DPP6: variants seen among roughly 807,000 people sequenced by gnomAD.
DPP6 encodes the protein dipeptidyl peptidase like 6.
A neutral mutation model predicts 122.6 loss-of-function variants in DPP6; 69 were observed. The ratio of observed to expected loss-of-function variants is 0.56; its 90% CI spans 0.46 to 0.69. The LOEUF is 0.69. Ranked by LOEUF, DPP6 falls within the 30% of genes least tolerant of loss-of-function variation. The pLI, the probability that DPP6 is intolerant of heterozygous loss-of-function variation, is 0.00. For missense variants in DPP6, 928 were observed against 1,116.9 expected (o/e 0.83, Z 2.41); for synonymous variants, 418 against 433.1 (o/e 0.97, Z 0.43).
chr7:154,795,438 C>T (rs949412748), intron 11 of DPP6, among the ~76,000 whole-genome samples: 2 of 152,196 alleles, frequency 1.3e-5, no homozygotes, highest in African/African-American at 2.4e-5. Flanking sequence ...ACTCAGTATT[C>T]CAGAATGGGA....
chr7:154,471,016 T>C (rs1302673925), intron 2 of DPP6, among the ~76,000 whole-genome samples: 2 of 152,056 alleles, frequency 1.3e-5, no homozygotes, highest in Admixed American at 1.3e-4. Context: ...TTTGGGAGGC[T>C]GAGGTGGGCG....
At chr7:154,285,907 C>G (rs1173306646) in intron 1 of DPP6, among the ~76,000 whole-genome samples, 1 of 152,160 alleles carries the variant, frequency 6.6e-6, no homozygotes, top group East Asian at 1.9e-4. Flanking sequence ...ATTCTGACAA[C>G]TTGACTGGTG....
chr7:154,556,281 C>T (rs1345234018), intron 4 of DPP6, among the ~76,000 whole-genome samples: 2 of 152,166 alleles, frequency 1.3e-5, no homozygotes, highest in Non-Finnish European at 2.9e-5. Context: ...CAGCATCTCT[C>T]ATAGTGAATG....
rs1452029852 is a variant in DPP6 at position 154,821,522 on chromosome 7, C to T, written c.1666+14410C>T. Among the ~76,000 whole-genome samples, 1 of 151,428 alleles carries T rather than the reference C, an allele frequency of 6.6e-6. No homozygotes were observed. Among genetic ancestry groups the T allele is most frequent in the Non-Finnish European group, 1.5e-5 (1 of 67,924 alleles). ...TCTGGCCACATCCTACTTATCCAGC[C>T]TCGTAATGACACTACTCCTCTATCA... On this transcript the variant is annotated intron_variant, in intron 16 of 25. Transcript: ENST00000377770. This position sits in a 1 kb window ranked among gnomAD's most constrained non-coding sequence, Gnocchi z 4.2.
At chr7:154,477,436 G>A (rs1203560055) in intron 3 of DPP6, among the ~76,000 whole-genome samples, 3 of 152,110 alleles carry the variant, frequency 2.0e-5, no homozygotes, top group Admixed American at 2.0e-4. Context: ...AAGACGCCAT[G>A]ATATGTTGAA....
Position 154,575,329 on chromosome 7 carries a change from T to G in DPP6, c.627+8413T>G, listed in dbSNP as rs1419370458. Among the ~76,000 whole-genome samples the G allele has an allele frequency of 3.8e-3, 502 of 131,626 alleles. 1 individual carries two copies. The highest frequency in any genetic ancestry group is 0.014 in the African/African-American group (471 of 33,646). 86.4% of individuals were successfully genotyped at this position (131,626 alleles called of 152,430 possible). A position where few individuals can be genotyped will look rare whatever the true frequency, so the allele number is the denominator to read the frequency against. ...TGTATGTGTGTGGTGTGTGTATGTG[T>G]GTGTGGTGTGTGTATGTGTGTGTGG... is the stretch of plus-strand genomic sequence containing the variant. On this transcript the variant is annotated intron_variant, in intron 5 of 25. Coordinates refer to ENST00000377770, the MANE Select transcript of DPP6 (RefSeq NM_130797.4).
At chr7:154,051,795 C>T, upstream of DPP6, among the ~76,000 whole-genome samples, 1 of 150,908 alleles carries the variant, frequency 6.6e-6, no homozygotes, top group Non-Finnish European at 1.5e-5. Context: ...TTCCTGCCCT[C>T]CTCCGGAGAG....
At chr7:153,811,778 C>A in the DPP6 span, among the ~76,000 whole-genome samples, 1 of 152,184 alleles carries the variant, frequency 6.6e-6, no homozygotes, top group Non-Finnish European at 1.5e-5. Flanking sequence ...AGGCCTTATG[C>A]ACCTGCTGTG....
At chr7:154,713,789 G>T (rs1033003834) in intron 7 of DPP6, among the ~76,000 whole-genome samples, 1 of 152,168 alleles carries the variant, frequency 6.6e-6, no homozygotes, top group Admixed American at 6.5e-5. Context: ...ATGCCCTGGG[G>T]ACATTTTCCC....
intron 1 of DPP6, among the ~76,000 whole-genome samples, chr7:154,107,685 A>G (rs1806268768): frequency 6.6e-6 from 1 of 152,234 alleles, no homozygotes; most frequent in East Asian, 1.9e-4. Context: ...CCCCATGAAT[A>G]TATGTAATTA....
At chr7:154,685,795 C>T (rs771121610) in intron 7 of DPP6, among the ~76,000 whole-genome samples, 4 of 152,224 alleles carry the variant, frequency 2.6e-5, no homozygotes, top group Admixed American at 6.5e-5. Context: ...CAACTTAATT[C>T]AACTCAAAGT....
rs115296859 is a variant in DPP6, at chr7:154,480,246, G to T, written c.457+5209G>T. On this transcript the variant is annotated intron_variant, in intron 3 of 25. Transcript: ENST00000377770. ...CAAGTCCACATGCCCTGCCTGGCTC[G>T]GCCTGGCTTCCCTGTTCCCCTTTGC... is the stretch of plus-strand genomic sequence containing the variant. Among the ~76,000 whole-genome samples, 685 of 152,130 alleles carry T rather than the reference G, an allele frequency of 4.5e-3. 7 individuals carry two copies. Among genetic ancestry groups the T allele is most frequent in the African/African-American group, 0.016 (659 of 41,498 alleles).
chr7:153,914,703 A>AT (rs1232136884), intron 1 of DPP6, among the ~76,000 whole-genome samples: 1 of 152,176 alleles, frequency 6.6e-6, no homozygotes, highest in Non-Finnish European at 1.5e-5. Flanking sequence ...AAAGTAACTG[A>AT]TTCCTCTTCT....
In DPP6 at chr7:153,923,554, G is replaced by A. The variant is rs184192656; in HGVS notation, c.51+35820G>A. 2.0e-5 allele frequency among the ~76,000 whole-genome samples: 3 copies of A among 152,210 alleles called. No homozygotes were observed. In the East Asian group the frequency reaches 5.8e-4, roughly 30 times the overall value. On this transcript the variant is annotated intron_variant, in intron 1 of 25. Coordinates refer to the DPP6 transcript ENST00000404039. Reference sequence around the variant, plus strand: ...AGGCGGGCAGATCATGAGGTCAGGAGATCGAGACCATCCTGGCTAATATGG... The same window carrying A: ...AGGCGGGCAGATCATGAGGTCAGGAAATCGAGACCATCCTGGCTAATATGG...
chr7:153,879,881 G>C, the DPP6 span, among the ~76,000 whole-genome samples: 1 of 152,142 alleles, frequency 6.6e-6, no homozygotes, highest in Non-Finnish European at 1.5e-5. Flanking sequence ...TGGAGGAAGA[G>C]TTTTATACAT....
At chr7:154,756,932 G>A (rs1156632159) in intron 8 of DPP6, among the ~76,000 whole-genome samples, 3 of 148,902 alleles carry the variant, frequency 2.0e-5, no homozygotes, top group Admixed American at 2.0e-4. Context: ...GAACAGGCCA[G>A]CCCCTTCTCC....
At chr7:154,231,978 C>G (rs569035419) in intron 1 of DPP6, among the ~76,000 whole-genome samples, 1 of 152,124 alleles carries the variant, frequency 6.6e-6, no homozygotes, top group Non-Finnish European at 1.5e-5. Context: ...ACAGGGTTGC[C>G]GTGTGATAGG....
intron 8 of DPP6, among the ~76,000 whole-genome samples, chr7:154,742,719 G>A (rs1448995513): frequency 1.3e-5 from 2 of 152,210 alleles, no homozygotes; most frequent in African/African-American, 4.8e-5. Flanking sequence ...TCTGGCCTCC[G>A]CTGGCATCTC....
intron 16 of DPP6, among the ~76,000 whole-genome samples, chr7:154,829,950 C>G (rs1800501056): frequency 6.6e-6 from 1 of 152,138 alleles, no homozygotes; most frequent in Admixed American, 6.5e-5. Context: ...CTGTTCAAGT[C>G]TCGAGACTGC....
Sources: allele counts gnomAD v4.1 joint callset (sites outside exome capture counted in the v4.1 genomes callset), GRCh38; gene constraint gnomAD v4.1.1; non-coding constraint Gnocchi (gnomAD v3.1); transcripts MANE v1.5; gene names NCBI Gene and HGNC (gene_info 2026-07-23, HGNC 2026-07-21).